Variants in CNTNAP5 observed in about 807,000 individuals in gnomAD.
The protein encoded by CNTNAP5 is contactin associated protein family member 5.
CNTNAP5 carries 72 observed loss-of-function variants against 150.2 expected under a neutral mutation model. The ratio of observed to expected loss-of-function variants is 0.48; its 90% confidence interval spans 0.40 to 0.58. The LOEUF (loss-of-function observed/expected upper bound fraction) is 0.58. Ranked by LOEUF, CNTNAP5 falls within the 20% of genes least tolerant of loss-of-function variation. The pLI is 0.00. For missense variants in CNTNAP5, 1,636 were observed against 1,626.2 expected, an observed-to-expected ratio of 1.01 and a Z score of -0.10; for synonymous variants, 672 against 619.8, an observed-to-expected ratio of 1.08 and a Z score of -1.25.
intron 11 of CNTNAP5, among the ~76,000 whole-genome samples, chr2:124,577,376 GT>G: frequency 6.6e-6 from 1 of 152,230 alleles, no homozygotes; most frequent in Non-Finnish European, 1.5e-5. Context: ...TGATTCCACA[GT>G]TTATTTTGGC....
chr2:124,416,936 C>CTTTTTTTTTTTTTTT, intron 3 of CNTNAP5, among the ~76,000 whole-genome samples: 1 of 106,600 alleles, frequency 9.4e-6, no homozygotes, highest in Non-Finnish European at 1.9e-5. Flanking sequence ...AGAGGGATTT[C>CTTTTTTTTTTTTTTT]TTTTTTTTTT....
intron 3 of CNTNAP5, among the ~76,000 whole-genome samples, chr2:124,245,200 T>A (rs1013588135): frequency 7.9e-5 from 12 of 152,158 alleles, no homozygotes; most frequent in African/African-American, 2.2e-4. Context: ...TATTTGTGTA[T>A]GTTGTAAATA....
In CNTNAP5 at chr2:124,917,038, CA is replaced by C. The variant is rs1264978782; in HGVS notation, c.*2752del. On this transcript the variant is annotated 3_prime_UTR_variant, in exon 24 of 24. Coordinates refer to ENST00000682447, the MANE Select transcript of CNTNAP5 (RefSeq NM_001367498.1). ...ATCTATGTAGTTTTATGTAATTGTT[CA>C]ATTGTGTGAGTGTTTTAATCCTTCT... Among the ~76,000 whole-genome samples the C allele has an allele frequency of 6.6e-6, 1 of 152,022 alleles. No homozygotes were observed. Among genetic ancestry groups the C allele is most frequent in the African/African-American group, 2.4e-5 (1 of 41,408 alleles).
At chr2:124,236,324 C>T (rs1355836102) in intron 2 of CNTNAP5, among the ~76,000 whole-genome samples, 1 of 152,238 alleles carries the variant, frequency 6.6e-6, no homozygotes, top group Non-Finnish European at 1.5e-5. Context: ...GTGCAGGAGG[C>T]GTGGCCTGGA....
intron 4 of CNTNAP5, 112 bp from the exon 5 acceptor site, chr2:124,434,372 G>A: frequency 1.2e-6 from 1 of 811,278 alleles, no homozygotes; most frequent in Non-Finnish European, 2.1e-6. Flanking sequence ...ACTAGACCTG[G>A]CAGATCTCAA....
intron 1 of CNTNAP5, among the ~76,000 whole-genome samples, chr2:124,188,477 T>TG (rs1685382204): frequency 6.6e-6 from 1 of 151,940 alleles, no homozygotes; most frequent in Non-Finnish European, 1.5e-5. Context: ...CCCAGGACTT[T>TG]GGGAGGCCAA....
At chr2:124,903,542 A>G (rs373463026) in intron 22 of CNTNAP5, among the ~76,000 whole-genome samples, 2 of 152,204 alleles carry the variant, frequency 1.3e-5, no homozygotes, top group Admixed American at 6.5e-5. Context: ...TAAAAATTAT[A>G]TATTTTCAAA....
chr2:124,428,660 A>G (rs1692297302), intron 4 of CNTNAP5, among the ~76,000 whole-genome samples: 1 of 149,288 alleles, frequency 6.7e-6, no homozygotes, highest in Non-Finnish European at 1.5e-5. Context: ...CCTTCTTTAA[A>G]TCAGCAATCA....
At chr2:124,055,248 A>G (rs1458516456) in intron 1 of CNTNAP5, among the ~76,000 whole-genome samples, 4 of 152,194 alleles carry the variant, frequency 2.6e-5, no homozygotes, top group Non-Finnish European at 5.9e-5. Context: ...ACTGTTATCA[A>G]GAGATAAAGT....
At chr2:124,032,612 GA>G (rs1681086805) in intron 1 of CNTNAP5, among the ~76,000 whole-genome samples, 1 of 151,998 alleles carries the variant, frequency 6.6e-6, no homozygotes, top group African/African-American at 2.4e-5. Flanking sequence ...GTAAATTTAA[GA>G]CCTAGGCATA....
At chr2:124,176,224 A>G (rs1276566530) in intron 1 of CNTNAP5, among the ~76,000 whole-genome samples, 1 of 152,236 alleles carries the variant, frequency 6.6e-6, no homozygotes, top group Admixed American at 6.5e-5. Flanking sequence ...AAACATGGCA[A>G]ATGACCATTA....
intron 1 of CNTNAP5, among the ~76,000 whole-genome samples, chr2:124,114,820 T>C (rs1411737025): frequency 6.6e-6 from 1 of 151,586 alleles, no homozygotes; most frequent in East Asian, 1.9e-4. Context: ...CATATGGATA[T>C]ATATATTATA....
At chr2:124,572,571 A>G (rs1696190276) in intron 11 of CNTNAP5, among the ~76,000 whole-genome samples, 1 of 152,192 alleles carries the variant, frequency 6.6e-6, no homozygotes. Context: ...TCAAGGGTGG[A>G]TATTAAAATA....
chr2:124,366,983 G>A (rs1249949980), intron 3 of CNTNAP5, among the ~76,000 whole-genome samples: 1 of 152,118 alleles, frequency 6.6e-6, no homozygotes, highest in African/African-American at 2.4e-5. Context: ...GGGGAATCTG[G>A]GCCACACAAT....
At chr2:124,148,297 TA>T (rs1166109119) in intron 1 of CNTNAP5, among the ~76,000 whole-genome samples, 96 of 135,532 alleles carry the variant, frequency 7.1e-4, no homozygotes, top group Admixed American at 8.3e-4. Context: ...AGACCCCCTC[TA>T]AAAAAAAAAA....
At chr2:124,130,570 CT>C (rs1683820139) in intron 1 of CNTNAP5, among the ~76,000 whole-genome samples, 2 of 152,048 alleles carry the variant, frequency 1.3e-5, no homozygotes, top group Non-Finnish European at 2.9e-5. Flanking sequence ...GACAGGTTGT[CT>C]GGTCACCCCA....
rs747852607 is a variant in CNTNAP5 at position 124,434,464 on chromosome 2, C to T, written c.530-20C>T. The stretch of plus-strand genomic sequence containing the variant: ...AGAATATGCACTAATTTTTCTTTCC[C>T]GCTCCTTCTTTGTTCCCAGAATCAG... On this transcript the variant is annotated intron_variant, in intron 4 of 23. Coordinates refer to ENST00000682447, the MANE Select transcript of CNTNAP5 (RefSeq NM_001367498.1). 41 of 1,599,344 alleles carry T rather than the reference C, an allele frequency of 2.6e-5. No homozygotes were observed. The East Asian group carries it at 5.1e-4, about 20-fold the overall frequency.
intron 3 of CNTNAP5, among the ~76,000 whole-genome samples, chr2:124,275,153 C>G (rs1357670942): frequency 1.3e-5 from 2 of 152,068 alleles, no homozygotes; most frequent in Non-Finnish European, 2.9e-5. Flanking sequence ...AGACCCACCC[C>G]CATGATTCAA....
rs539276105 is a variant in CNTNAP5, at chr2:124,687,761, T to C, written c.2077+39803T>C. Among the ~76,000 whole-genome samples, 3 of 152,274 alleles carry C rather than the reference T, an allele frequency of 2.0e-5. No individual in the cohort carries two copies. The East Asian group carries it at 5.8e-4, about 29-fold the overall frequency. On this transcript the variant is annotated intron_variant, in intron 13 of 23. Transcript: ENST00000682447. ...TTCTCTCAGGCAAAAACCCTGATTT[T>C]AATGAATATAGAATAATCATTTGTA...
Sources: allele counts gnomAD v4.1 joint callset (sites outside exome capture counted in the v4.1 genomes callset), GRCh38; gene constraint gnomAD v4.1.1; transcripts MANE v1.5; gene names NCBI Gene and HGNC (gene_info 2026-07-23, HGNC 2026-07-21).